CEP290: variants seen among roughly 807,000 people sequenced by gnomAD.
CEP290 encodes centrosomal protein of 290 kDa.
Under a neutral mutation model 344.9 loss-of-function variants are expected in CEP290, and 317 were observed. The observed-to-expected ratio is 0.92, with a 90% CI of 0.84 to 1.01. The LOEUF is 1.01. Among genes scored for constraint, CEP290 ranks in the 50% least tolerant of loss-of-function variants. The pLI is 0.00. For missense variants in CEP290, 2,754 were observed against 2,761.4 expected (o/e 1.00, Z 0.06); for synonymous variants, 932 against 895.8 (o/e 1.04, Z -0.72).
At chr12:88,082,442 C>G (rs1035291352) in intron 37 of CEP290, among the ~76,000 whole-genome samples, 1 of 152,158 alleles carries the variant, frequency 6.6e-6, no homozygotes. Context: ...CCTGTAATCC[C>G]AGCACTTTGG....
chr12:88,066,176 A>T (rs2034912033), intron 44 of CEP290, among the ~76,000 whole-genome samples: 1 of 152,210 alleles, frequency 6.6e-6, no homozygotes, highest in African/African-American at 2.4e-5. Flanking sequence ...CAGTATAAAG[A>T]AAAAAACGAT....
At chr12:88,050,658 T>C (rs2033413026) in intron 52 of CEP290, among the ~76,000 whole-genome samples, 1 of 152,196 alleles carries the variant, frequency 6.6e-6, no homozygotes. Flanking sequence ...TGCTAGGTAT[T>C]AGAAGTGTAG....
chr12:88,059,578 T>G (rs1466949386), intron 48 of CEP290, among the ~76,000 whole-genome samples: 1 of 152,106 alleles, frequency 6.6e-6, no homozygotes, highest in African/African-American at 2.4e-5. Flanking sequence ...CGGCTAATTT[T>G]TTGTATTTTT....
chr12:88,056,722 C>G (rs528764774), intron 49 of CEP290, among the ~76,000 whole-genome samples: 1 of 152,110 alleles, frequency 6.6e-6, no homozygotes, highest in Non-Finnish European at 1.5e-5. Context: ...ACATAGAATA[C>G]GTGTTACTAA....
chr12:88,068,686 A>T, intron 43 of CEP290, 41 bp from the exon 44 acceptor site: 1 of 1,542,524 alleles, frequency 6.5e-7, no homozygotes. Flanking sequence ...TTCACATTTC[A>T]TCTTTTTTCT....
intron 7 of CEP290, among the ~76,000 whole-genome samples, chr12:88,130,892 C>G (rs1459761532): frequency 6.6e-6 from 1 of 151,970 alleles, no homozygotes; most frequent in Non-Finnish European, 1.5e-5. Flanking sequence ...GAAATCCAGT[C>G]ATCTATTCAA....
chr12:88,081,668 A>G lies in CEP290; in HGVS notation c.5013-1273T>C, dbSNP rs139784731. Among the ~76,000 whole-genome samples, 24 of 152,368 alleles carry G rather than the reference A, an allele frequency of 1.6e-4. No individual in the cohort carries two copies. In the East Asian group the frequency reaches 4.0e-3, roughly 26 times the overall value. ...ACACAGATCCATAATCTCCTAATAC[A>G]TATCAAAATATGCACACAGAGAACA... On this transcript the variant is annotated intron_variant, in intron 37 of 53. Transcript: ENST00000552810.
At chr12:88,060,088 A>T in intron 47 of CEP290, 68 bp from the exon 48 acceptor site, 1 of 1,265,422 alleles carries the variant, frequency 7.9e-7, no homozygotes, top group Non-Finnish European at 1.1e-6. Context: ...ATAATCTTAT[A>T]AACTCATAAA....
chr12:88,087,856 T>A lies in CEP290; in HGVS notation c.4118A>T (p.Lys1373Ile). Residue 1373 changes from lysine to isoleucine, a missense_variant, in exon 32 of 54, where the codon AAA becomes ATA. Physicochemically the swap from Lys to Ile is moderately radical, Grantham distance 102 (BLOSUM62 -3). Transcript: ENST00000552810. ...RELVKDKEEI[K>I]YLNNIISEYE... is the part of the protein sequence containing the mutation. ...TTCAGAAATTATGTTATTCAAATAT[T>A]TTATTTCTTCTTTATCCTTGACTAA... is the stretch of plus-strand genomic sequence containing the variant. 2 of 1,270,698 alleles carry A rather than the reference T, an allele frequency of 1.6e-6. No homozygotes were observed. Among genetic ancestry groups the A allele is most frequent in the Non-Finnish European group, 2.0e-6 (2 of 988,706 alleles). The allele number at this position is 1,270,698 out of a possible 1,614,324, so 78.7% of individuals were successfully genotyped here.
At position 88,114,662 on chromosome 12, in the gene CEP290, T is replaced by A. The variant is rs888056426; in HGVS notation, c.1910-100A>T. On this transcript the variant is annotated intron_variant, in intron 19 of 53. Coordinates refer to ENST00000552810, the MANE Select transcript of CEP290 (RefSeq NM_025114.4). The stretch of plus-strand genomic sequence containing the variant: ...TATTTCACATATACCAAAGACATCA[T>A]TGGAAAAATCCAAATGTAAATAAAC... 4 of 1,005,608 alleles carry A rather than the reference T, an allele frequency of 4.0e-6. No homozygotes were observed. In the African/African-American group the frequency reaches 6.8e-5, roughly 17 times the overall value. The allele number at this position is 1,005,608 out of a possible 1,614,324, so 62.3% of individuals were successfully genotyped here. A position where few individuals can be genotyped will look rare whatever the true frequency, so the allele number is the denominator to read the frequency against.
chr12:88,123,632 C>A (rs2039551464), intron 13 of CEP290, among the ~76,000 whole-genome samples: 1 of 152,030 alleles, frequency 6.6e-6, no homozygotes, highest in South Asian at 2.1e-4. Context: ...AAAGTAGAAG[C>A]TCTTTAGATT....
intron 44 of CEP290, among the ~76,000 whole-genome samples, chr12:88,064,704 T>C (rs1485649956): frequency 6.6e-6 from 1 of 152,162 alleles, no homozygotes; most frequent in Non-Finnish European, 1.5e-5. Context: ...TGGACATTTA[T>C]AAGCCAAGGA....
chr12:88,051,350 C>T (rs1592712572), intron 52 of CEP290, among the ~76,000 whole-genome samples: 1 of 152,098 alleles, frequency 6.6e-6, no homozygotes, highest in Non-Finnish European at 1.5e-5. Context: ...AGGCAAGTGC[C>T]ACCATGCCTG....
At chr12:88,106,636 T>A in intron 25 of CEP290, 39 bp downstream of exon 25, 1 of 1,400,060 alleles carries the variant, frequency 7.1e-7, no homozygotes, top group Middle Eastern at 1.8e-4. Context: ...ATTTGAAATT[T>A]TTCATAGTCA....
chr12:88,059,218 G>A (rs1174544844), intron 48 of CEP290, among the ~76,000 whole-genome samples, 198 bp from the exon 49 acceptor site: 10 of 152,070 alleles, frequency 6.6e-5, no homozygotes, highest in Non-Finnish European at 1.3e-4. Flanking sequence ...AACAGATCAC[G>A]AAAATGAGGT....
At chr12:88,134,212 A>C (rs1179482061) in intron 6 of CEP290, among the ~76,000 whole-genome samples, 4 of 152,182 alleles carry the variant, frequency 2.6e-5, no homozygotes, top group African/African-American at 9.6e-5. Context: ...AATGAATGGC[A>C]CTATCTACCT....
intron 25 of CEP290, among the ~76,000 whole-genome samples, chr12:88,104,784 ATCAAT>A (rs541176132): frequency 6.6e-6 from 1 of 152,068 alleles, no homozygotes; most frequent in Admixed American, 6.6e-5. Flanking sequence ...TACTATTAAT[ATCAAT>A]TCAAGTATTA....
chr12:88,089,875 T>C (rs1357261359), intron 30 of CEP290, among the ~76,000 whole-genome samples: 1 of 151,980 alleles, frequency 6.6e-6, no homozygotes, highest in Non-Finnish European at 1.5e-5. Flanking sequence ...TACAGGCACA[T>C]GCCACCACGC....
chr12:88,093,981 T>C lies in CEP290; in HGVS notation c.3104-6A>G. 1.9e-6 allele frequency: 3 copies of C among 1,584,066 alleles called. No homozygotes were observed. Among genetic ancestry groups the C allele is most frequent in the Non-Finnish European group, 2.6e-6 (3 of 1,164,562 alleles). The stretch of plus-strand genomic sequence containing the variant: ...ATCCATGCTAGATTCATTACCTACA[T>C]GCAATAATATTTAAGTCAATCTCAT... On this transcript the variant is annotated splice_region_variant and splice_polypyrimidine_tract_variant and intron_variant, in intron 27 of 53. Coordinates refer to ENST00000552810, the MANE Select transcript of CEP290 (RefSeq NM_025114.4).
Sources: gnomAD v4.1 joint callset for allele counts (sites outside exome capture counted in the v4.1 genomes callset) on GRCh38, gnomAD v4.1.1 for gene constraint, MANE v1.5 for transcripts, NCBI Gene and HGNC (gene_info 2026-07-23, HGNC 2026-07-21) for gene names.